SREK1IP1: variants seen among roughly 807,000 people sequenced by gnomAD.
SREK1IP1 encodes the protein protein SREK1IP1.
A neutral mutation model predicts 22.8 loss-of-function variants in SREK1IP1; 12 were observed. The observed-to-expected ratio is 0.53, with a 90% CI of 0.34 to 0.85. The LOEUF (loss-of-function observed/expected upper bound fraction) is 0.85. Among genes scored for constraint, SREK1IP1 ranks in the 40% least tolerant of loss-of-function variants. SREK1IP1 has a pLI of 0.02. For synonymous variants in SREK1IP1, 53 were observed against 52.7 expected (o/e 1.01, Z -0.02); for missense variants, 147 against 171.8 (o/e 0.86, Z 0.81).
At chr5:64,750,961 T>A (rs1400033815) in intron 2 of SREK1IP1, among the ~76,000 whole-genome samples, 3 of 152,192 alleles carry the variant, frequency 2.0e-5, no homozygotes, top group African/African-American at 7.2e-5. Context: ...AATTACTCAA[T>A]GTTTTGTACC....
At chr5:64,763,776 C>T (rs1742991413) in intron 1 of SREK1IP1, among the ~76,000 whole-genome samples, 1 of 152,210 alleles carries the variant, frequency 6.6e-6, no homozygotes, top group Non-Finnish European at 1.5e-5. Context: ...CAAGCCCCTA[C>T]AGGGATATCC....
chr5:64,734,193 G>A (rs999594272), intron 3 of SREK1IP1, among the ~76,000 whole-genome samples: 3 of 151,956 alleles, frequency 2.0e-5, no homozygotes, highest in African/African-American at 4.8e-5. Flanking sequence ...TAAAAATTTC[G>A]ATTAAAAAAT....
intron 2 of SREK1IP1, among the ~76,000 whole-genome samples, chr5:64,749,350 T>A (rs1490705419): frequency 1.3e-5 from 2 of 152,126 alleles, no homozygotes; most frequent in Non-Finnish European, 2.9e-5. Context: ...ACCCAGTTCA[T>A]TCCACCAAGC....
At chr5:64,768,415 G>C in intron 1 of SREK1IP1, 90 bp downstream of exon 1, 2 of 1,558,216 alleles carry the variant, frequency 1.3e-6, no homozygotes, top group Non-Finnish European at 8.8e-7. Context: ...AATCCCCATG[G>C]GCGCTGCTCC....
chr5:64,742,168 A>AT (rs1466221560), intron 2 of SREK1IP1, among the ~76,000 whole-genome samples: 1 of 152,146 alleles, frequency 6.6e-6, no homozygotes, highest in African/African-American at 2.4e-5. Flanking sequence ...TAATTTGCTC[A>AT]TTTTATCTAA....
chr5:64,734,952 G>A (rs562638069), intron 3 of SREK1IP1, among the ~76,000 whole-genome samples: 1 of 152,088 alleles, frequency 6.6e-6, no homozygotes, highest in East Asian at 1.9e-4. Flanking sequence ...ATGTTGAGTA[G>A]AAGTGGTATG....
rs1743116920 is a variant in SREK1IP1, at chr5:64,768,648, C to G, written c.-131G>C. On this transcript the variant is annotated 5_prime_UTR_variant, in exon 1 of 5. Coordinates refer to ENST00000513458, the MANE Select transcript of SREK1IP1 (RefSeq NM_173829.4). ...AGCGCAGCAGCACCCTCGCTACGGT[C>G]GGGAAGGGCCTGTACGCCTCTAGCG... The G allele has an allele frequency of 7.6e-7, 1 of 1,321,208 alleles. No homozygotes were observed. Among genetic ancestry groups the G allele is most frequent in the Admixed American group, 1.9e-5 (1 of 52,482 alleles). The allele number at this position is 1,321,208 out of a possible 1,614,324, so 81.8% of individuals were successfully genotyped here.
chr5:64,747,792 G>A (rs1742666051), intron 2 of SREK1IP1, among the ~76,000 whole-genome samples: 1 of 152,104 alleles, frequency 6.6e-6, no homozygotes, highest in African/African-American at 2.4e-5. Flanking sequence ...GCCGGGCATG[G>A]TGGCACACAC....
At chr5:64,755,365 T>C (rs1021319899) in intron 1 of SREK1IP1, among the ~76,000 whole-genome samples, 2 of 152,190 alleles carry the variant, frequency 1.3e-5, no homozygotes, top group Non-Finnish European at 2.9e-5. Flanking sequence ...CACTATGGAA[T>C]ACTATGAAGC....
At chr5:64,740,963 TAA>T in intron 3 of SREK1IP1, 92 bp downstream of exon 3, 1 of 1,183,548 alleles carries the variant, frequency 8.4e-7, no homozygotes, top group Non-Finnish European at 1.2e-6. Flanking sequence ...ACATAAACTA[TAA>T]AAGAGATCTT....
chr5:64,765,084 T>C (rs1221368261), intron 1 of SREK1IP1: 2 of 152,224 alleles, frequency 1.3e-5, no homozygotes, highest in Non-Finnish European at 2.9e-5. Context: ...TGGAGAGTGG[T>C]GAATCACTGA....
intron 2 of SREK1IP1, among the ~76,000 whole-genome samples, chr5:64,744,497 T>TCGCCACCGGTAACTAGGATACC (rs1742600132): frequency 6.6e-6 from 1 of 152,184 alleles, no homozygotes; most frequent in Non-Finnish European, 1.5e-5. Flanking sequence ...CTGGACGGAT[T>TCGCCACCGGTAACTAGGATACC]CGCCACCGGT....
intron 1 of SREK1IP1, among the ~76,000 whole-genome samples, chr5:64,765,687 T>C (rs1743021335): frequency 6.6e-6 from 1 of 152,234 alleles, no homozygotes; most frequent in South Asian, 2.1e-4. Flanking sequence ...TTAACATTAT[T>C]ATACTTTGAA....
rs531884957 is a variant in SREK1IP1, at chr5:64,719,065, G to A, written c.*5319C>T. 1.3e-5 allele frequency: 2 copies of A among 152,182 alleles called. No homozygotes were observed. The highest frequency in any genetic ancestry group is 2.4e-5 in the African/African-American group (1 of 41,446). 9.4% of individuals were successfully genotyped at this position (152,182 alleles called of 1,614,324 possible). A position where few individuals can be genotyped will look rare whatever the true frequency, so the allele number is the denominator to read the frequency against. ...GTCAAAATTTCTACCAAGTACTAAG[G>A]TTATCTTCTAGACCAGAATTAAGAG... On this transcript the variant is annotated 3_prime_UTR_variant, in exon 5 of 5. Coordinates refer to ENST00000513458, the MANE Select transcript of SREK1IP1 (RefSeq NM_173829.4).
At chr5:64,757,926 G>C (rs995326703) in intron 1 of SREK1IP1, among the ~76,000 whole-genome samples, 2 of 132,686 alleles carry the variant, frequency 1.5e-5, no homozygotes, top group Admixed American at 1.8e-4. Context: ...CTGGAGTGCA[G>C]TGGCGTGATC....
At chr5:64,732,713 C>T (rs6868128) in intron 3 of SREK1IP1, among the ~76,000 whole-genome samples, 8,774 of 151,786 alleles carry the variant, frequency 0.058, 862 homozygotes, top group African/African-American at 0.2. Context: ...AAAATTTTTA[C>T]GGAAATGAAA....
intron 4 of SREK1IP1, chr5:64,727,553 A>ATATATATTTTTTTTTTTTTTT: frequency 1.2e-5 from 1 of 84,680 alleles, no homozygotes. Flanking sequence ...ATATATATAT[A>ATATATATTTTTTTTTTTTTTT]TTTTTTTTTT....
intron 3 of SREK1IP1, among the ~76,000 whole-genome samples, chr5:64,735,558 T>C (rs953373913): frequency 5.2e-4 from 79 of 152,232 alleles, no homozygotes; most frequent in African/African-American, 1.9e-3. Context: ...GGGGTACTCT[T>C]CATATTTTAG....
intron 2 of SREK1IP1, among the ~76,000 whole-genome samples, chr5:64,747,830 A>G (rs189006296): frequency 9.9e-4 from 150 of 152,194 alleles, no homozygotes; most frequent in African/African-American, 3.3e-3. Flanking sequence ...TGGGAGGCTG[A>G]AGCAAGAGAA....
Sources: gnomAD v4.1 joint callset for allele counts (sites outside exome capture counted in the v4.1 genomes callset) on GRCh38, gnomAD v4.1.1 for gene constraint, MANE v1.5 for transcripts, NCBI Gene and HGNC (gene_info 2026-07-23, HGNC 2026-07-21) for gene names.